ZNF185: variants seen among roughly 807,000 people sequenced by gnomAD.
ZNF185 encodes the protein zinc finger protein 185.
Under a neutral mutation model 58.6 loss-of-function variants are expected in ZNF185, and 56 were observed. The observed-to-expected ratio is 0.95, with a 90% CI of 0.77 to 1.19. ZNF185 has a LOEUF of 1.19. Among genes scored for constraint, ZNF185 ranks in the 50% most tolerant of loss-of-function variants. The pLI, the probability that ZNF185 is intolerant of heterozygous loss-of-function variation, is 0.00. For missense variants in ZNF185, 627 were observed against 573.5 expected (o/e 1.09, Z -0.95); for synonymous variants, 230 against 215.9 (o/e 1.07, Z -0.57).
At chrX:152,938,089 A>G in exon 15 of ZNF185, 1 of 1,179,665 alleles carries the variant, frequency 8.5e-7, no homozygotes, top group Non-Finnish European at 1.1e-6. Context: ...GTGCCACTTC[A>G]GTCTCTGCTG....
chrX:152,960,548 T>C (rs1253869402), intron 17 of ZNF185, among the ~76,000 whole-genome samples: 6 of 112,582 alleles, frequency 5.3e-5, no homozygotes, highest in Non-Finnish European at 1.1e-4. Context: ...TCCTGGCTTC[T>C]GGCCTTTGTA....
Position 152,937,612 on chromosome X carries a change from C to T in ZNF185, c.1122-462C>T, listed in dbSNP as rs143013065. Reference sequence around the variant, plus strand: ...CAAGAGACATGTCCCCCATACACAGCGTCAACAGGGCAGTTATACCTTTTA... The same window carrying T: ...CAAGAGACATGTCCCCCATACACAGTGTCAACAGGGCAGTTATACCTTTTA... On this transcript the variant is annotated intron_variant, in intron 14 of 22. Transcript: ENST00000449285. Among the ~76,000 whole-genome samples the T allele has an allele frequency of 9.3e-3, 1,048 of 112,090 alleles. 20 individuals are homozygous for T. Among genetic ancestry groups the T allele is most frequent in the African/African-American group, 0.032 (979 of 30,768 alleles).
chrX:152,934,858 C>G (rs2046082749), intron 14 of ZNF185, among the ~76,000 whole-genome samples: 1 of 112,085 alleles, frequency 8.9e-6, no homozygotes, highest in Admixed American at 9.4e-5. Flanking sequence ...GGACCTTGCT[C>G]TGTCACCAGG....
At chrX:152,958,338 G>A (rs782491419) in intron 16 of ZNF185, among the ~76,000 whole-genome samples, 1 of 111,501 alleles carries the variant, frequency 9.0e-6, no homozygotes, top group Non-Finnish European at 1.9e-5. Flanking sequence ...TAAGTTTAGA[G>A]ACGCTAAAAG....
intron 14 of ZNF185, among the ~76,000 whole-genome samples, chrX:152,933,490 A>C (rs2045936177): frequency 8.9e-6 from 1 of 111,970 alleles, no homozygotes; most frequent in Non-Finnish European, 1.9e-5. Flanking sequence ...TGGAGAGACC[A>C]GCGTGTCCAG....
chrX:152,967,041 G>C lies in ZNF185; in HGVS notation c.1800-126G>C, dbSNP rs1377161118. ...CCATAGAAGGGCCCTGTGGCACCAAGTCATGAATGACGACTGGCATCGTAG... is the reference window on the plus strand; with the variant it reads ...CCATAGAAGGGCCCTGTGGCACCAACTCATGAATGACGACTGGCATCGTAG... On this transcript the variant is annotated intron_variant, in intron 19 of 22. Transcript: ENST00000449285. The C allele has an allele frequency of 4.7e-6, 3 of 632,546 alleles. 1 individual carries two copies. In the African/African-American group the frequency reaches 6.6e-5, roughly 14 times the overall value. 52.1% of individuals were successfully genotyped at this position (632,546 alleles called of 1,213,427 possible). A position where few individuals can be genotyped will look rare whatever the true frequency, so the allele number is the denominator to read the frequency against.
intron 18 of ZNF185, 23 bp from the exon 21 acceptor site, chrX:152,965,423 AT>A (rs1556913683): frequency 7.8e-6 from 9 of 1,160,371 alleles, no homozygotes; most frequent in Non-Finnish European, 9.2e-6. Flanking sequence ...TGTACCTCTG[AT>A]TTCTTCTGTG....
intron 15 of ZNF185, among the ~76,000 whole-genome samples, chrX:152,939,637 T>C (rs1454249795): frequency 9.0e-6 from 1 of 111,632 alleles, no homozygotes; most frequent in Non-Finnish European, 1.9e-5. Flanking sequence ...CTTCTTATTA[T>C]GCAACTTGAC....
intron 12 of ZNF185, among the ~76,000 whole-genome samples, chrX:152,930,180 C>T (rs782375615): frequency 8.9e-6 from 1 of 112,211 alleles, no homozygotes; most frequent in Non-Finnish European, 1.9e-5. Flanking sequence ...CCACCTTCTG[C>T]ACCATAGCTC....
At chrX:152,939,787 T>TG (rs2046952607) in intron 15 of ZNF185, among the ~76,000 whole-genome samples, 2 of 85,260 alleles carry the variant, frequency 2.3e-5, no homozygotes, top group East Asian at 3.2e-4. Flanking sequence ...TTTTTTTTTT[T>TG]TTTTTTTTTT....
chrX:152,919,025 CGAGGAG>C (rs781814997), exon 7 of ZNF185: 3 of 1,203,885 alleles, frequency 2.5e-6, no homozygotes, highest in Non-Finnish European at 2.2e-6. Flanking sequence ...CAGGGGACAC[CGAGGAG>C]GAGGAGGAGG....
chrX:152,939,783 T>TG (rs1556887167), intron 15 of ZNF185, among the ~76,000 whole-genome samples: 1 of 88,782 alleles, frequency 1.1e-5, no homozygotes, highest in East Asian at 3.3e-4. Context: ...GGTGTTTTTT[T>TG]TTTTTTTTTT....
At chrX:152,938,864 A>G (rs1162795259) in intron 15 of ZNF185, among the ~76,000 whole-genome samples, 1 of 103,319 alleles carries the variant, frequency 9.7e-6, no homozygotes, top group African/African-American at 3.7e-5. Context: ...TGAGGAGGGT[A>G]CTACTTAGGT....
At chrX:152,923,348 G>A (rs1206740324) in intron 11 of ZNF185, among the ~76,000 whole-genome samples, 1 of 112,145 alleles carries the variant, frequency 8.9e-6, no homozygotes, top group Non-Finnish European at 1.9e-5. Context: ...CAGTCTGGGA[G>A]GGAGACAGAA....
At chrX:152,915,475 G>A (rs955846890) in intron 3 of ZNF185, among the ~76,000 whole-genome samples, 4 of 112,856 alleles carry the variant, frequency 3.5e-5, no homozygotes, top group African/African-American at 1.3e-4. Flanking sequence ...CTGGGCCTCC[G>A]TGGCTCCAGC....
At chrX:152,923,861 G>A (rs957601064) in intron 11 of ZNF185, among the ~76,000 whole-genome samples, 4 of 111,892 alleles carry the variant, frequency 3.6e-5, no homozygotes, top group African/African-American at 1.3e-4. Context: ...TCAGGCTGGG[G>A]TTGGGGACCC....
chrX:152,917,252 G>A (rs1224993818), intron 4 of ZNF185, 33 bp from the exon 6 acceptor site: 1 of 1,210,741 alleles, frequency 8.3e-7, no homozygotes, highest in Non-Finnish European at 1.1e-6. Context: ...TCCCTCCAGG[G>A]AGCTCACCGG....
intron 16 of ZNF185, among the ~76,000 whole-genome samples, chrX:152,958,930 G>C (rs1046113130): frequency 3.6e-5 from 4 of 112,291 alleles, no homozygotes; most frequent in African/African-American, 1.3e-4. Context: ...ACGCCTGCGC[G>C]TGCCGCCATT....
chrX:152,905,062 C>T, the ZNF185 span, among the ~76,000 whole-genome samples: 184 of 113,239 alleles, frequency 1.6e-3, 4 homozygotes, highest in East Asian at 0.041. Context: ...CCTTCCTTTG[C>T]TCCAGAGTTG....
Sources: gnomAD v4.1 joint callset for allele counts (sites outside exome capture counted in the v4.1 genomes callset) on GRCh38, gnomAD v4.1.1 for gene constraint, MANE v1.5 for transcripts, NCBI Gene and HGNC (gene_info 2026-07-23, HGNC 2026-07-21) for gene names.